INO80: variants seen among roughly 807,000 people sequenced by gnomAD.
INO80 encodes the protein INO80 complex ATPase subunit.
INO80 carries 20 observed loss-of-function variants against 203.4 expected under a neutral mutation model. That is an observed-to-expected ratio of 0.10 (90% CI 0.07 to 0.14). The LOEUF (loss-of-function observed/expected upper bound fraction) is 0.14. INO80 is among the 10% of genes least tolerant of loss of function. INO80 has a pLI of 1.00. For synonymous variants in INO80, 726 were observed against 685.2 expected, an observed-to-expected ratio of 1.06 and a Z score of -0.93; for missense variants, 1,419 against 1,914.4, an observed-to-expected ratio of 0.74 and a Z score of 4.83.
chr15:41,048,179 C>T, intron 22 of INO80, 33 bp downstream of exon 22: 1 of 1,552,222 alleles, frequency 6.4e-7, no homozygotes, highest in South Asian at 1.1e-5. Context: ...AAAACCCTGA[C>T]AAACCTACTT....
At chr15:41,077,376 A>C (rs75537234) in intron 9 of INO80, among the ~76,000 whole-genome samples, 3 of 149,532 alleles carry the variant, frequency 2.0e-5, no homozygotes, top group Non-Finnish European at 3.0e-5. Context: ...AAAAAAAAAA[A>C]CCCAAAAGGC....
chr15:40,999,920 G>T (rs147793920), intron 28 of INO80, among the ~76,000 whole-genome samples: 2 of 152,032 alleles, frequency 1.3e-5, no homozygotes, highest in Non-Finnish European at 2.9e-5. Context: ...GAAAGACCCT[G>T]CATCTACATA....
intron 19 of INO80, among the ~76,000 whole-genome samples, chr15:41,052,437 T>G (rs565637272): frequency 5.3e-4 from 80 of 150,834 alleles, no homozygotes; most frequent in African/African-American, 1.8e-3. Context: ...CTCTGGGAGG[T>G]TGAGGTGGGA....
At chr15:40,994,754 A>G (rs1384773286) in intron 29 of INO80, among the ~76,000 whole-genome samples, 2 of 152,170 alleles carry the variant, frequency 1.3e-5, no homozygotes, top group Non-Finnish European at 2.9e-5. Context: ...GAAGATAGAA[A>G]TGGAACTTTG....
chr15:40,999,116 AG>A (rs1733844776), intron 28 of INO80, among the ~76,000 whole-genome samples: 1 of 152,214 alleles, frequency 6.6e-6, no homozygotes, highest in Non-Finnish European at 1.5e-5. Flanking sequence ...CAGGTCATAA[AG>A]GTAAGTAATG....
intron 24 of INO80, among the ~76,000 whole-genome samples, chr15:41,040,409 G>T (rs1303675074): frequency 6.6e-6 from 1 of 152,160 alleles, no homozygotes; most frequent in African/African-American, 2.4e-5. Flanking sequence ...ACAGAGTTCA[G>T]AAACTGACCA....
rs996338254 is a variant in INO80, at chr15:40,984,272, A to C, written c.4002T>G (p.Asp1334Glu). 1.2e-6 allele frequency: 2 copies of C among 1,614,114 alleles called. No individual in the cohort carries two copies. The highest frequency in any genetic ancestry group is 1.7e-6 in the Non-Finnish European group (2 of 1,179,988). ...NLVIPFVPSADNSNLSADGDD... is the reference protein window; with the variant it reads ...NLVIPFVPSAENSNLSADGDD... ...CTCCGTCAGCAGAGAGGTTGGAGTT[A>C]TCAGCCGAGGGAACAAATGGGATCA... The change falls in exon 33 of 36, where the codon GAT (aspartate) becomes GAG (glutamate). Residue 1334 changes from aspartate to glutamate, a missense_variant. Coordinates refer to ENST00000648947, the MANE Select transcript of INO80 (RefSeq NM_017553.3).
chr15:40,985,486 T>C, intron 31 of INO80, 60 bp from the exon 32 acceptor site: 1 of 1,245,280 alleles, frequency 8.0e-7, no homozygotes, highest in Non-Finnish European at 1.2e-6. Context: ...ATCCTCACTC[T>C]CTTAATTAAG....
At position 41,071,897 on chromosome 15, in the gene INO80, T is replaced by G. The variant is rs1218959383; in HGVS notation, c.1557A>C (p.Lys519Asn). 15 of 1,614,006 alleles carry G rather than the reference T, an allele frequency of 9.3e-6. No individual in the cohort carries two copies. The highest frequency in any genetic ancestry group is 1.2e-5 in the Non-Finnish European group (14 of 1,180,004). The stretch of plus-strand genomic sequence containing the variant: ...AATTCATGCCTTTCAGTTGATAACC[T>G]TTCAATTTGCCATTAAAAATTGTGG... ...PQPTIFNGKL[K>N]GYQLKGMNWL... Residue 519 changes from lysine to asparagine, a missense_variant, in exon 12 of 36, where the codon AAA becomes AAC. Physicochemically the swap from Lys to Asn is moderately conservative, Grantham distance 94. Transcript: ENST00000648947.
chr15:41,045,581 C>A (rs1156506009), intron 23 of INO80, among the ~76,000 whole-genome samples: 45 of 129,324 alleles, frequency 3.5e-4, no homozygotes, highest in African/African-American at 1.3e-3. Flanking sequence ...GACTCTGTCT[C>A]AAAAAAAAAA....
chr15:41,114,521 C>A (rs899832559), intron 1 of INO80, among the ~76,000 whole-genome samples: 1 of 151,954 alleles, frequency 6.6e-6, no homozygotes, highest in African/African-American at 2.4e-5. Flanking sequence ...CCGGCCTAGC[C>A]AACATGGTGA....
intron 27 of INO80, among the ~76,000 whole-genome samples, chr15:41,010,631 G>T (rs2044119762): frequency 6.6e-6 from 1 of 152,014 alleles, no homozygotes; most frequent in African/African-American, 2.4e-5. Flanking sequence ...AATAGAAAGG[G>T]AGCCCCATTT....
rs749218114 is a variant in INO80 at position 40,980,264 on chromosome 15, G to A, written c.4630C>T (p.Arg1544Trp). Residue 1544 changes from arginine (R) to tryptophan (W), a missense_variant, in exon 36 of 36, where the codon CGG becomes TGG. Coordinates refer to ENST00000648947, the MANE Select transcript of INO80 (RefSeq NM_017553.3). ...GGGTTGGTGCCTTTGCCCTGTTTCC[G>A]GACCAGAGAGTCTGGGGCTAGGCTG... ...TSSLAPDSLVRKQGKGTNPSG... is the reference protein window; with the variant it reads ...TSSLAPDSLVWKQGKGTNPSG... The A allele has an allele frequency of 9.3e-6, 15 of 1,613,220 alleles. No homozygotes were observed. The highest frequency in any genetic ancestry group is 6.7e-5 in the Admixed American group (4 of 60,008).
chr15:40,987,293 G>C (rs1422588591), intron 30 of INO80, 100 bp from the exon 31 acceptor site: 2 of 663,342 alleles, frequency 3.0e-6, no homozygotes, highest in African/African-American at 3.6e-5. Context: ...CTCCTCAGGG[G>C]AGGCCTCTGG....
chr15:41,075,727 T>C (rs912223117), intron 9 of INO80, among the ~76,000 whole-genome samples: 1 of 152,162 alleles, frequency 6.6e-6, no homozygotes, highest in Non-Finnish European at 1.5e-5. Flanking sequence ...GTGCTGGGAT[T>C]AAAGGTGTGA....
rs1364974593 is a variant in INO80, at chr15:41,070,483, A to T, written c.1670T>A (p.Leu557Gln). Residue 557 changes from leucine (L) to glutamine (Q), a missense_variant, in exon 13 of 36, where the codon CTG becomes CAG. By Grantham distance (113) the Leu-to-Gln change is moderately radical. Transcript: ENST00000648947. ...TCTACCCACCTCAGCCAGATGGGCC[A>T]GAAGGGCAATGCTCTGTACTGTTTT... ...LGKTVQSIAL[L>Q]AHLAERENIW... The T allele has an allele frequency of 6.2e-7, 1 of 1,614,090 alleles. No individual in the cohort carries two copies.
intron 14 of INO80, among the ~76,000 whole-genome samples, chr15:41,060,579 G>A (rs979485476): frequency 6.6e-6 from 1 of 151,718 alleles, no homozygotes; most frequent in Non-Finnish European, 1.5e-5. Context: ...ACAAAAAGAT[G>A]TAAGACATAG....
intron 24 of INO80, among the ~76,000 whole-genome samples, chr15:41,038,323 T>C (rs1268462145): frequency 6.6e-6 from 1 of 152,082 alleles, no homozygotes; most frequent in African/African-American, 2.4e-5. Context: ...TCCCTTTTCG[T>C]TGTGAAATCT....
intron 24 of INO80, among the ~76,000 whole-genome samples, chr15:41,028,783 G>A (rs922552625): frequency 1.3e-5 from 2 of 152,148 alleles, no homozygotes; most frequent in African/African-American, 4.8e-5. Context: ...TTGAACCCAG[G>A]AGGCGGAGGT....
Sources: gnomAD v4.1 joint callset for allele counts (sites outside exome capture counted in the v4.1 genomes callset) on GRCh38, gnomAD v4.1.1 for gene constraint, MANE v1.5 for transcripts, NCBI Gene and HGNC (gene_info 2026-07-23, HGNC 2026-07-21) for gene names.